Variants in AK5 observed in about 807,000 individuals in gnomAD.
AK5 encodes the protein adenylate kinase 5.
Under a neutral mutation model 69.5 loss-of-function variants are expected in AK5, and 27 were observed. The ratio of observed to expected loss-of-function variants is 0.39; its 90% CI spans 0.29 to 0.54. AK5 has a LOEUF of 0.54. Ranked by LOEUF, AK5 falls within the 20% of genes least tolerant of loss-of-function variation. The probability of loss-of-function intolerance (pLI) is 0.71; values close to 1 mark genes in which losing one functional copy is unlikely to be tolerated. For missense variants in AK5, 531 were observed against 700.4 expected (o/e 0.76, Z 2.73); for synonymous variants, 260 against 244.4 (o/e 1.06, Z -0.60).
intron 8 of AK5, among the ~76,000 whole-genome samples, chr1:77,476,294 C>G (rs1341550467): frequency 6.6e-6 from 1 of 152,068 alleles, no homozygotes; most frequent in Non-Finnish European, 1.5e-5. Context: ...TCAAATTGCC[C>G]ATTACTTTAA....
At chr1:77,325,779 T>A (rs955836244) in intron 5 of AK5, among the ~76,000 whole-genome samples, 3 of 151,854 alleles carry the variant, frequency 2.0e-5, no homozygotes, top group Non-Finnish European at 4.4e-5. Context: ...AGTGTGGTAT[T>A]TGGCTCATAG....
At chr1:77,326,187 G>A (rs185393767) in intron 5 of AK5, among the ~76,000 whole-genome samples, 5 of 152,190 alleles carry the variant, frequency 3.3e-5, no homozygotes, top group African/African-American at 7.2e-5. Flanking sequence ...TGAGATAAGC[G>A]GAGAGATCTG....
intron 2 of AK5, among the ~76,000 whole-genome samples, chr1:77,292,046 T>G (rs184430606): frequency 2.0e-5 from 3 of 152,324 alleles, no homozygotes; most frequent in Admixed American, 2.0e-4. Context: ...CAGTAAATAG[T>G]CTATTGTGAT....
At chr1:77,423,576 C>A (rs980730050) in intron 8 of AK5, among the ~76,000 whole-genome samples, 4 of 151,942 alleles carry the variant, frequency 2.6e-5, no homozygotes, top group Non-Finnish European at 5.9e-5. Context: ...ATTGGAGAGA[C>A]AATCAGAGAA....
At chr1:77,304,500 G>A (rs1659526559) in intron 5 of AK5, among the ~76,000 whole-genome samples, 1 of 151,518 alleles carries the variant, frequency 6.6e-6, no homozygotes, top group African/African-American at 2.4e-5. Flanking sequence ...CTGTCTCCTG[G>A]GTTCAAGCAA....
chr1:77,428,317 T>C (rs903908497), intron 8 of AK5, among the ~76,000 whole-genome samples: 30 of 152,224 alleles, frequency 2.0e-4, no homozygotes, highest in African/African-American at 7.0e-4. Context: ...TTTTTGTTCA[T>C]TGAAAATACC....
At chr1:77,369,797 A>G (rs1237493077) in intron 6 of AK5, among the ~76,000 whole-genome samples, 3 of 152,252 alleles carry the variant, frequency 2.0e-5, no homozygotes, top group Non-Finnish European at 4.4e-5. Flanking sequence ...ACATTTGAGT[A>G]GTTTCAAAAA....
intron 5 of AK5, among the ~76,000 whole-genome samples, chr1:77,321,560 T>A (rs1411365187): frequency 6.6e-6 from 1 of 152,076 alleles, no homozygotes; most frequent in Non-Finnish European, 1.5e-5. Context: ...ACATTGAACA[T>A]AAGTTCATTA....
intron 6 of AK5, among the ~76,000 whole-genome samples, chr1:77,392,560 A>G (rs74092606): frequency 0.012 from 1,866 of 152,288 alleles, 44 homozygotes; most frequent in African/African-American, 0.042. Context: ...GAGAGAACCT[A>G]TATTGGTTTC....
intron 13 of AK5, among the ~76,000 whole-genome samples, chr1:77,537,464 A>C (rs576534348): frequency 2.0e-5 from 3 of 152,206 alleles, no homozygotes; most frequent in African/African-American, 7.2e-5. Context: ...AGCTCAATCC[A>C]TCATCCTTAT....
chr1:77,309,459 A>G (rs1659823768), intron 5 of AK5, among the ~76,000 whole-genome samples: 1 of 152,046 alleles, frequency 6.6e-6, no homozygotes, highest in Non-Finnish European at 1.5e-5. Context: ...CCTCAGTGCT[A>G]TTTATATAAT....
intron 8 of AK5, among the ~76,000 whole-genome samples, chr1:77,437,696 C>T (rs954692180): frequency 5.3e-5 from 8 of 152,058 alleles, no homozygotes; most frequent in Non-Finnish European, 7.4e-5. Context: ...CCTTGAATTC[C>T]GGCAATAAAT....
intron 8 of AK5, among the ~76,000 whole-genome samples, chr1:77,439,722 A>G (rs1652189307): frequency 6.7e-6 from 1 of 149,788 alleles, no homozygotes; most frequent in African/African-American, 2.5e-5. Flanking sequence ...GCTGCAAATG[A>G]CAGTATTTAT....
intron 12 of AK5, among the ~76,000 whole-genome samples, chr1:77,529,456 C>A (rs368419823): frequency 6.6e-6 from 1 of 151,810 alleles, no homozygotes; most frequent in African/African-American, 2.4e-5. Context: ...GCCTCAGCAG[C>A]GGGGATTACA....
At chr1:77,293,534 G>A (rs530487072) in intron 2 of AK5, 13 of 286,920 alleles carry the variant, frequency 4.5e-5, no homozygotes, top group East Asian at 2.7e-4. Flanking sequence ...AGGCACACTC[G>A]TTTGTTTATT....
chr1:77,354,058 A>G (rs1377733), intron 6 of AK5, among the ~76,000 whole-genome samples: 108,057 of 151,940 alleles, frequency 0.71, 38,662 homozygotes, highest in East Asian at 0.86. Flanking sequence ...AAGAAATGAG[A>G]CATCTGAAAT....
At chr1:77,469,872 G>A (rs1654359601) in intron 8 of AK5, among the ~76,000 whole-genome samples, 1 of 152,160 alleles carries the variant, frequency 6.6e-6, no homozygotes, top group Non-Finnish European at 1.5e-5. Flanking sequence ...AAGGGTCGGG[G>A]GAAAATAATC....
rs74621477 is a variant in AK5, at chr1:77,383,366, G to T, written c.892-27615G>T. On this transcript the variant is annotated intron_variant, in intron 6 of 13. Coordinates refer to ENST00000354567, the MANE Select transcript of AK5 (RefSeq NM_174858.3). The stretch of plus-strand genomic sequence containing the variant: ...TCATAAAAAATGGGGGATTAACACA[G>T]GAATAAAGAAAGACAAAGATTACCA... Among the ~76,000 whole-genome samples, 20 of 152,122 alleles carry T rather than the reference G, an allele frequency of 1.3e-4. No individual in the cohort carries two copies. The East Asian group carries it at 3.9e-3, about 29-fold the overall frequency.
chr1:77,361,930 C>T, intron 6 of AK5, among the ~76,000 whole-genome samples: 1 of 152,090 alleles, frequency 6.6e-6, no homozygotes, highest in Non-Finnish European at 1.5e-5. Flanking sequence ...GGTGGGGACA[C>T]AGCCAAATCA....
Sources: gnomAD v4.1 joint callset for allele counts (sites outside exome capture counted in the v4.1 genomes callset) on GRCh38, gnomAD v4.1.1 for gene constraint, MANE v1.5 for transcripts, NCBI Gene and HGNC (gene_info 2026-07-23, HGNC 2026-07-21) for gene names.